The following NEK6 variants were observed in gnomAD, a reference collection of about 807,000 sequenced individuals.
NEK6 encodes the protein serine/threonine-protein kinase Nek6.
Under a neutral mutation model 43.5 loss-of-function variants are expected in NEK6, and 27 were observed. The ratio of observed to expected loss-of-function variants is 0.62; its 90% CI spans 0.46 to 0.86. The LOEUF is 0.86. Ranked by LOEUF, NEK6 falls within the 40% of genes least tolerant of loss-of-function variation. The pLI is 0.00. For missense variants in NEK6, 318 were observed against 414.4 expected (o/e 0.77, Z 2.02); for synonymous variants, 167 against 164.1 (o/e 1.02, Z -0.14).
intron 1 of NEK6, among the ~76,000 whole-genome samples, chr9:124,285,589 AG>A (rs1832119396): frequency 6.6e-6 from 1 of 152,218 alleles, no homozygotes; most frequent in East Asian, 1.9e-4. Context: ...AAGAGGCAGC[AG>A]ATCCGAGCAA....
chr9:124,347,707 A>G lies in NEK6; in HGVS notation c.718-2A>G. The stretch of plus-strand genomic sequence containing the variant: ...TATCTTCGTTGTTCCCGTCCCTTGC[A>G]GATGGCAGCCCTCCAGAGCCCCTTC... On this transcript the variant is annotated splice_acceptor_variant, in intron 8 of 9. Coordinates refer to ENST00000320246, the MANE Select transcript of NEK6 (RefSeq NM_014397.6). LOFTEE classifies it high-confidence loss of function. 2 of 1,582,648 alleles carry G rather than the reference A, an allele frequency of 1.3e-6. No homozygotes were observed. The highest frequency in any genetic ancestry group is 1.7e-6 in the Non-Finnish European group (2 of 1,160,250).
At chr9:124,306,333 A>G (rs1023251787) in intron 2 of NEK6, among the ~76,000 whole-genome samples, 1 of 152,090 alleles carries the variant, frequency 6.6e-6, no homozygotes, top group Non-Finnish European at 1.5e-5. Flanking sequence ...GACTCTGTTA[A>G]TGAGAATTGT....
At chr9:124,319,971 C>A (rs1833986546) in intron 4 of NEK6, among the ~76,000 whole-genome samples, 1 of 152,186 alleles carries the variant, frequency 6.6e-6, no homozygotes, top group African/African-American at 2.4e-5. Context: ...TGTTACTGAC[C>A]AAGGTTCTTC....
chr9:124,309,435 G>T (rs1028548787), intron 2 of NEK6, among the ~76,000 whole-genome samples: 1 of 152,274 alleles, frequency 6.6e-6, no homozygotes, highest in Non-Finnish European at 1.5e-5. Flanking sequence ...TAAGAAGCCT[G>T]GTCTTCCAGG....
At chr9:124,271,118 C>T (rs1232932732) in intron 1 of NEK6, among the ~76,000 whole-genome samples, 2 of 152,278 alleles carry the variant, frequency 1.3e-5, no homozygotes, top group Non-Finnish European at 2.9e-5. Flanking sequence ...TCTCCCTCTT[C>T]ATCCGGAGCC....
At chr9:124,258,121 C>T (rs1331620803) in intron 1 of NEK6, 36 bp downstream of exon 1, 10 of 978,674 alleles carry the variant, frequency 1.0e-5, no homozygotes, top group Non-Finnish European at 1.2e-5. Context: ...GCCGGTGGGG[C>T]CCCGCGGCCC....
chr9:124,258,223 G>T (rs1830885573), intron 1 of NEK6, 138 bp downstream of exon 1: 3 of 979,800 alleles, frequency 3.1e-6, no homozygotes, highest in Non-Finnish European at 3.6e-6. Flanking sequence ...AGAGCGGGAG[G>T]CGGGCGCGAG....
At chr9:124,267,837 T>C (rs1831285393) in intron 1 of NEK6, among the ~76,000 whole-genome samples, 2 of 152,170 alleles carry the variant, frequency 1.3e-5, no homozygotes. Flanking sequence ...GCAGAGAAAA[T>C]ACTTGTACTC....
At chr9:124,316,561 G>A (rs530879175) in intron 4 of NEK6, among the ~76,000 whole-genome samples, 11 of 152,310 alleles carry the variant, frequency 7.2e-5, no homozygotes, top group African/African-American at 1.9e-4. Context: ...TGACCCAAGT[G>A]TGTCCCCTTC....
chr9:124,270,752 A>C lies in NEK6; in HGVS notation c.-30+12667A>C, dbSNP rs534463264. ...TGCTGGGTGCGGGAGCAGGCAGCTG[A>C]ATACCCGTCCTGGGGAGGCAGCTGA... On this transcript the variant is annotated intron_variant, in intron 1 of 9. Transcript: ENST00000320246. Among the ~76,000 whole-genome samples the C allele has an allele frequency of 2.3e-3, 351 of 152,320 alleles. 2 individuals carry two copies. The highest frequency in any genetic ancestry group is 3.9e-3 in the Non-Finnish European group (262 of 68,024).
intron 1 of NEK6, among the ~76,000 whole-genome samples, chr9:124,299,691 G>T (rs1214107988): frequency 6.6e-6 from 1 of 152,118 alleles, no homozygotes. Context: ...GAGGGAAGAG[G>T]CAGGTGCACC....
chr9:124,350,895 G>C lies in NEK6; in HGVS notation c.890G>C (p.Gly297Ala), dbSNP rs1271742411. 3.7e-6 allele frequency: 6 copies of C among 1,612,174 alleles called. No individual in the cohort carries two copies. The highest frequency in any genetic ancestry group is 1.1e-5 in the South Asian group (1 of 91,052). The stretch of plus-strand genomic sequence containing the variant: ...GACCCCCACCAGAGACCTGACATCG[G>C]ATACGTGCACCAGGTGGCCAAGCAG... ...CPDPHQRPDI[G>A]YVHQVAKQMH... Residue 297 changes from glycine (G) to alanine (A), a missense_variant, in exon 10 of 10, where the codon GGA (glycine) becomes GCA (alanine). Gly to Ala is a moderately conservative substitution (Grantham distance 60). Around this residue, in one of 2 missense-constraint regions of NEK6, gnomAD observed 79 missense variants for 70.0 expected, o/e 1.13. Transcript: ENST00000320246.
Position 124,326,202 on chromosome 9 carries a change from T to TTG in NEK6, c.406-128_406-127insTG. 1 of 124,052 alleles carries TTG rather than the reference T, an allele frequency of 8.1e-6. No individual in the cohort carries two copies. The highest frequency in any genetic ancestry group is 2.0e-5 in the Non-Finnish European group (1 of 50,618). 7.7% of individuals were successfully genotyped at this position (124,052 alleles called of 1,614,324 possible). A position where few individuals can be genotyped will look rare whatever the true frequency, so the allele number is the denominator to read the frequency against. The stretch of plus-strand genomic sequence containing the variant: ...GCTTATTGTTTGCTCAGTGGCTCAA[T>TTG]CCCCCCCCCCCGCCCCTGCCAGGCA... On this transcript the variant is annotated intron_variant, in intron 5 of 9. Coordinates refer to ENST00000320246, the MANE Select transcript of NEK6 (RefSeq NM_014397.6). The surrounding 1 kb of genome is among the most constrained non-coding windows in gnomAD (Gnocchi z 4.5).
intron 1 of NEK6, among the ~76,000 whole-genome samples, chr9:124,269,212 C>T (rs1306355072): frequency 6.6e-6 from 1 of 152,128 alleles, no homozygotes; most frequent in Non-Finnish European, 1.5e-5. Flanking sequence ...GTCAGTGGTC[C>T]ACCCCAGACC....
At chr9:124,307,224 T>C (rs1393760264) in intron 2 of NEK6, among the ~76,000 whole-genome samples, 1 of 152,032 alleles carries the variant, frequency 6.6e-6, no homozygotes, top group Non-Finnish European at 1.5e-5. Context: ...TGTGGCCTAA[T>C]TTGATCTGAC....
intron 9 of NEK6, among the ~76,000 whole-genome samples, chr9:124,350,044 C>T (rs1830167901): frequency 6.6e-6 from 1 of 152,192 alleles, no homozygotes; most frequent in African/African-American, 2.4e-5. Flanking sequence ...CCTTCCCAGT[C>T]CCTGAGTGAG....
At chr9:124,348,701 T>C (rs1830091058) in intron 9 of NEK6, among the ~76,000 whole-genome samples, 1 of 152,234 alleles carries the variant, frequency 6.6e-6, no homozygotes, top group Non-Finnish European at 1.5e-5. Context: ...TCAGTCAGTG[T>C]TCACTAAATA....
intron 1 of NEK6, chr9:124,261,654 A>G: frequency 6.8e-6 from 6 of 886,886 alleles, no homozygotes; most frequent in Non-Finnish European, 8.1e-6. Context: ...CATTTCGATC[A>G]CGGCTTCTAC....
chr9:124,315,437 TGGTGGCCCCC>T (rs909933575), intron 4 of NEK6, among the ~76,000 whole-genome samples: 4 of 152,238 alleles, frequency 2.6e-5, no homozygotes, highest in Admixed American at 1.3e-4. Context: ...GTGCCTGCTC[TGGTGGCCCCC>T]GGCCACAGTG....
Sources: gnomAD v4.1 joint callset for allele counts (sites outside exome capture counted in the v4.1 genomes callset) on GRCh38, gnomAD v4.1.1 for gene constraint, gnomAD v4.1.1 regional missense constraint, Gnocchi (gnomAD v3.1) non-coding constraint, MANE v1.5 for transcripts, NCBI Gene and HGNC (gene_info 2026-07-23, HGNC 2026-07-21) for gene names.